Variants in TUB observed in about 807,000 individuals in gnomAD.
TUB encodes tubby protein homolog.
TUB carries 33 observed loss-of-function variants against 59.7 expected under a neutral mutation model. The observed-to-expected ratio is 0.55, with a 90% CI of 0.42 to 0.74. TUB has a LOEUF of 0.74. TUB is among the 30% of genes least tolerant of loss of function. TUB has a pLI of 0.00. For synonymous variants in TUB, 293 were observed against 256.4 expected, an observed-to-expected ratio of 1.14 and a Z score of -1.36; for missense variants, 659 against 672.0, an observed-to-expected ratio of 0.98 and a Z score of 0.21.
At chr11:8,027,766 C>T (rs914622417) in intron 1 of TUB, among the ~76,000 whole-genome samples, 9 of 152,218 alleles carry the variant, frequency 5.9e-5, no homozygotes, top group African/African-American at 1.7e-4. Context: ...CCGCCCATCT[C>T]AGCCTCCCCA....
At position 8,094,085 on chromosome 11, in the gene TUB, C is replaced by T. The variant is rs909748733; in HGVS notation, c.293C>T (p.Ala98Val). Residue 98 changes from alanine (A) to valine (V), a missense_variant, in exon 4 of 12, where the codon GCC (alanine) becomes GTC (valine). Physicochemically the swap from Ala to Val is moderately conservative, Grantham distance 64. Transcript: ENST00000299506. The part of the protein sequence containing the change: ...ADSLASVQLG[A>V]TRPTAPASAK... ...TCACTCGCCAGTGTGCAGCTGGGAGCCACGCGCCCAACAGCACCAGCTTCA... is the reference window on the plus strand; with the variant it reads ...TCACTCGCCAGTGTGCAGCTGGGAGTCACGCGCCCAACAGCACCAGCTTCA... The T allele has an allele frequency of 1.4e-5, 23 of 1,614,050 alleles. No individual in the cohort carries two copies. The Admixed American group carries it at 2.8e-4, about 20-fold the overall frequency.
chr11:8,092,503 T>C (rs1177635913), intron 3 of TUB, among the ~76,000 whole-genome samples: 1 of 152,188 alleles, frequency 6.6e-6, no homozygotes, highest in Non-Finnish European at 1.5e-5. Flanking sequence ...GTTTCCTCCA[T>C]TATAAAATGG....
intron 3 of TUB, 146 bp from the exon 4 acceptor site, chr11:8,093,900 C>A: frequency 2.2e-6 from 2 of 902,128 alleles, no homozygotes; most frequent in South Asian, 3.1e-5. Flanking sequence ...GGGCCTGATC[C>A]TGTGGGCTGT....
intron 3 of TUB, 118 bp from the exon 4 acceptor site, chr11:8,093,928 C>T (rs1036029408): frequency 4.2e-6 from 5 of 1,186,738 alleles, no homozygotes; most frequent in Non-Finnish European, 6.1e-6. Context: ...GTACAGGGGC[C>T]CTGGTGGGAC....
In TUB at chr11:8,062,133, G is replaced by C. The variant is rs796739779; in HGVS notation, c.203+22441G>C. The C allele has an allele frequency of 1.6e-4, 24 of 152,614 alleles. 1 individual carries two copies. The highest frequency in any genetic ancestry group is 5.8e-4 in the African/African-American group (24 of 41,516). The allele number at this position is 152,614 out of a possible 1,614,324, so 9.5% of individuals were successfully genotyped here. On this transcript the variant is annotated intron_variant, in intron 2 of 12. Transcript: ENST00000305253. ...GCGTCCTGGAGACAGGGGGCGGTGA[G>C]ACGGAGTCTGCCCAGGCCACACCAG...
At chr11:8,080,587 T>C (rs891157329), upstream of TUB, among the ~76,000 whole-genome samples, 12 of 152,218 alleles carry the variant, frequency 7.9e-5, no homozygotes, top group Non-Finnish European at 2.9e-5. Flanking sequence ...CTCTGGGTTA[T>C]AGGGATATGA....
intron 8 of TUB, 36 bp from the exon 9 acceptor site, chr11:8,098,722 G>T (rs1944117734): frequency 1.3e-6 from 2 of 1,487,648 alleles, no homozygotes; most frequent in Non-Finnish European, 1.9e-6. Context: ...GGGGCAGAGG[G>T]TGCATGACTC....
chr11:8,087,623 G>T (rs540021054), intron 1 of TUB, among the ~76,000 whole-genome samples: 2 of 152,252 alleles, frequency 1.3e-5, no homozygotes, highest in Non-Finnish European at 2.9e-5. Flanking sequence ...CATTTTTCAC[G>T]TGTGTCCTGA....
intron 2 of TUB, among the ~76,000 whole-genome samples, chr11:8,055,298 C>G (rs1000068592): frequency 6.6e-6 from 1 of 152,140 alleles, no homozygotes; most frequent in Admixed American, 6.5e-5. Context: ...TGGCGCATAC[C>G]TCACCATTGC....
chr11:8,058,763 G>A (rs939785660), intron 2 of TUB, among the ~76,000 whole-genome samples: 4 of 152,228 alleles, frequency 2.6e-5, no homozygotes, highest in African/African-American at 7.2e-5. Context: ...TGGAACTACA[G>A]TAATTTGTCA....
chr11:8,045,098 C>G (rs952711520), intron 2 of TUB, among the ~76,000 whole-genome samples: 5 of 152,150 alleles, frequency 3.3e-5, no homozygotes, highest in South Asian at 2.1e-4. Flanking sequence ...TCTCCTTTCC[C>G]CAGTGGCTTA....
At chr11:8,034,049 G>A (rs1942613087), upstream of TUB, among the ~76,000 whole-genome samples, 1 of 152,218 alleles carries the variant, frequency 6.6e-6, no homozygotes, top group South Asian at 2.1e-4. Context: ...CAGAGGCAAG[G>A]GCTGCGATGG....
intron 2 of TUB, among the ~76,000 whole-genome samples, chr11:8,064,534 G>A (rs1256018428): frequency 1.3e-5 from 2 of 152,158 alleles, no homozygotes; most frequent in Non-Finnish European, 1.5e-5. Context: ...CATTTGCTGG[G>A]GTCTGGGCCC....
intron 8 of TUB, 102 bp from the exon 9 acceptor site, chr11:8,098,656 G>C: frequency 1.2e-6 from 1 of 843,872 alleles, no homozygotes; most frequent in African/African-American, 1.7e-5. Flanking sequence ...TCCTGTTCCA[G>C]CCCAGAATGT....
At chr11:8,039,571 G>A in intron 1 of TUB, 1 of 1,329,534 alleles carries the variant, frequency 7.5e-7, no homozygotes, top group Non-Finnish European at 9.9e-7. Flanking sequence ...GACCAGGTGT[G>A]GCCAGGCAGC....
chr11:8,096,836 T>G, intron 6 of TUB, 30 bp downstream of exon 6: 3 of 1,612,624 alleles, frequency 1.9e-6, no homozygotes, highest in Non-Finnish European at 2.5e-6. Context: ...TCCACAGCAG[T>G]TTTTGGAGGA....
At chr11:8,081,922 C>T (rs1018945151) in intron 1 of TUB, among the ~76,000 whole-genome samples, 2 of 152,232 alleles carry the variant, frequency 1.3e-5, no homozygotes, top group Non-Finnish European at 2.9e-5. Flanking sequence ...CGCATGCACC[C>T]ACAGGACGTC....
At position 8,095,490 on chromosome 11, in the gene TUB, G is replaced by A. The variant is rs774612025; in HGVS notation, c.398-8G>A. 1.9e-6 allele frequency: 3 copies of A among 1,604,974 alleles called. No individual in the cohort carries two copies. Among genetic ancestry groups the A allele is most frequent in the Middle Eastern group, 1.9e-4 (1 of 5,162 alleles). ...TGGATGTAACTCAGGCGTGTCCGTG[G>A]CCTGCAGGCACCAGCGGGCCAGCAG... On this transcript the variant is annotated splice_region_variant and splice_polypyrimidine_tract_variant and intron_variant, in intron 4 of 11. Transcript: ENST00000299506.
intron 1 of TUB, 47 bp downstream of exon 1, chr11:8,081,595 G>A: frequency 6.7e-7 from 1 of 1,484,578 alleles, no homozygotes; most frequent in South Asian, 1.3e-5. Context: ...GACTCGGGAC[G>A]TGAGCTGGCT....
Sources: allele counts gnomAD v4.1 joint callset (sites outside exome capture counted in the v4.1 genomes callset), GRCh38; gene constraint gnomAD v4.1.1; transcripts MANE v1.5; gene names NCBI Gene and HGNC (gene_info 2026-07-23, HGNC 2026-07-21).